The following WDR47 variants were observed in gnomAD, a reference collection of about 807,000 sequenced individuals.
The protein encoded by WDR47 is WD repeat-containing protein 47.
Under a neutral mutation model 97.2 loss-of-function variants are expected in WDR47, and 32 were observed. That is an observed-to-expected ratio of 0.33 (90% confidence interval 0.25 to 0.44). The LOEUF (loss-of-function observed/expected upper bound fraction) is 0.44, where lower values mean the gene tolerates loss of function less well. Among genes scored for constraint, WDR47 ranks in the 20% least tolerant of loss-of-function variants. The pLI is 1.00. For missense variants in WDR47, 782 were observed against 1,102.3 expected (o/e 0.71, Z 4.11); for synonymous variants, 375 against 373.5 (o/e 1.00, Z -0.05).
rs1369106431 is a variant in WDR47, at chr1:109,031,801, T to C, written c.-9-8280A>G. On this transcript the variant is annotated intron_variant, in intron 1 of 14. Transcript: ENST00000369962. ...ATCATTTCAATCTTTCTTTCTTTTT[T>C]TTTTTTTTTTTTTTTTAAGACAGGG... Among the ~76,000 whole-genome samples the C allele has an allele frequency of 8.7e-5, 11 of 126,866 alleles. 1 individual carries two copies. Among genetic ancestry groups the C allele is most frequent in the African/African-American group, 1.1e-4 (4 of 35,826 alleles). 83.2% of individuals were successfully genotyped at this position (126,866 alleles called of 152,430 possible).
In WDR47 at chr1:109,013,871, G is replaced by A. The variant is rs780492513; in HGVS notation, c.297C>T (p.Asn99=). 4.3e-5 allele frequency: 69 copies of A among 1,613,230 alleles called. No homozygotes were observed. Among genetic ancestry groups the A allele is most frequent in the Middle Eastern group, 3.3e-4 (2 of 6,082 alleles). The change falls in exon 4 of 15, where the codon AAC becomes AAT. Residue 99 remains asparagine, a synonymous_variant. Coordinates refer to ENST00000369962, the MANE Select transcript of WDR47 (RefSeq NM_001142551.2). ...GGGGCTCATCTTCTGCTGACATCGC[G>A]TTGTTAACACATAAAGCTTCTAAAA... The part of the protein sequence containing the change: ...QKFLEALCVN[N]AMSAEDEPQH...
chr1:108,995,482 C>T, intron 8 of WDR47, 98 bp downstream of exon 8: 1 of 1,455,544 alleles, frequency 6.9e-7, no homozygotes. Flanking sequence ...GCAGTAAGCT[C>T]TAAAAACTTT....
At chr1:108,999,923 C>A (rs1412027274) in intron 7 of WDR47, among the ~76,000 whole-genome samples, 1 of 152,066 alleles carries the variant, frequency 6.6e-6, no homozygotes, top group African/African-American at 2.4e-5. Context: ...ATCCAAAAAC[C>A]AGAAATGGCA....
intron 1 of WDR47, among the ~76,000 whole-genome samples, chr1:109,038,291 G>A (rs376107322): frequency 1.2e-4 from 18 of 152,272 alleles, no homozygotes; most frequent in African/African-American, 4.3e-4. Context: ...CAAAAGGACT[G>A]CTAATGAATT....
intron 1 of WDR47, among the ~76,000 whole-genome samples, chr1:109,035,249 A>G (rs2102051015): frequency 6.9e-6 from 1 of 144,728 alleles, no homozygotes; most frequent in South Asian, 2.2e-4. Flanking sequence ...CTGTCTCAGA[A>G]AAAAAAAAAA....
intron 9 of WDR47, 146 bp downstream of exon 9, chr1:108,991,108 G>A: frequency 1.7e-6 from 1 of 604,508 alleles, no homozygotes; most frequent in South Asian, 2.7e-5. Context: ...AAACTTCTGG[G>A]CTCAAGACAT....
intron 6 of WDR47, among the ~76,000 whole-genome samples, chr1:109,003,332 G>A (rs1483936187): frequency 6.6e-6 from 1 of 151,560 alleles, no homozygotes; most frequent in East Asian, 1.9e-4. Flanking sequence ...TCTGTTGTTT[G>A]GTGCATATCC....
At chr1:109,030,179 A>T (rs1662521614) in intron 1 of WDR47, 1 of 1,457,842 alleles carries the variant, frequency 6.9e-7, no homozygotes, top group African/African-American at 1.4e-5. Context: ...TGAAATGCCC[A>T]GGATAATATA....
intron 13 of WDR47, among the ~76,000 whole-genome samples, chr1:108,979,904 A>G (rs1658207527): frequency 6.6e-6 from 1 of 152,180 alleles, no homozygotes; most frequent in Admixed American, 6.5e-5. Context: ...ATGGCCTGTT[A>G]GGCACCGGGC....
At chr1:108,999,426 C>T (rs1660008159) in intron 7 of WDR47, among the ~76,000 whole-genome samples, 1 of 151,524 alleles carries the variant, frequency 6.6e-6, no homozygotes, top group African/African-American at 2.4e-5. Flanking sequence ...ATTCTAGGCC[C>T]AGAATGGTGG....
chr1:108,984,270 C>T (rs948367328), intron 10 of WDR47, among the ~76,000 whole-genome samples: 10 of 152,178 alleles, frequency 6.6e-5, no homozygotes, highest in African/African-American at 2.4e-4. Context: ...TTTATCTACA[C>T]TTTGAAACAC....
intron 7 of WDR47, 65 bp from the exon 8 acceptor site, chr1:108,995,902 G>A (rs990742538): frequency 1.3e-6 from 2 of 1,494,966 alleles, no homozygotes; most frequent in African/African-American, 2.8e-5. Flanking sequence ...ATATATACAA[G>A]GTTAAAAGTG....
At chr1:109,015,556 G>A (rs1314134328) in intron 3 of WDR47, among the ~76,000 whole-genome samples, 3 of 151,716 alleles carry the variant, frequency 2.0e-5, no homozygotes, top group African/African-American at 7.3e-5. Flanking sequence ...TCCAACTCCT[G>A]ACCTCAAGTG....
intron 12 of WDR47, among the ~76,000 whole-genome samples, chr1:108,982,350 T>C (rs1658405735): frequency 6.6e-6 from 1 of 151,904 alleles, no homozygotes; most frequent in Admixed American, 6.6e-5. Flanking sequence ...CTGGGCAACA[T>C]AGTGAGACAC....
intron 3 of WDR47, among the ~76,000 whole-genome samples, chr1:109,016,497 G>A (rs1661427392): frequency 6.6e-6 from 1 of 152,136 alleles, no homozygotes; most frequent in African/African-American, 2.4e-5. Context: ...AAAATCTACT[G>A]TATAAACTTA....
At chr1:108,986,327 T>G (rs1413239084) in intron 10 of WDR47, among the ~76,000 whole-genome samples, 196 bp downstream of exon 10, 1 of 152,010 alleles carries the variant, frequency 6.6e-6, no homozygotes, top group African/African-American at 2.4e-5. Flanking sequence ...TATGAAAAAA[T>G]TATGAAGTTA....
intron 9 of WDR47, among the ~76,000 whole-genome samples, chr1:108,988,398 GA>G (rs1351372885): frequency 6.6e-6 from 1 of 151,808 alleles, no homozygotes; most frequent in Non-Finnish European, 1.5e-5. Flanking sequence ...ATCTGCTTAA[GA>G]AAAAATGTTT....
intron 5 of WDR47, 132 bp from the exon 6 acceptor site, chr1:109,004,847 G>A: frequency 1.7e-6 from 2 of 1,153,534 alleles, no homozygotes; most frequent in South Asian, 2.1e-5. Context: ...CCCGACTGGA[G>A]TGACGCAATC....
At chr1:109,018,257 T>C (rs2101975750) in intron 2 of WDR47, among the ~76,000 whole-genome samples, 1 of 151,682 alleles carries the variant, frequency 6.6e-6, no homozygotes, top group Non-Finnish European at 1.5e-5. Context: ...GAGACCACCC[T>C]GCCCAACATG....
Sources: allele counts gnomAD v4.1 joint callset (sites outside exome capture counted in the v4.1 genomes callset), GRCh38; gene constraint gnomAD v4.1.1; transcripts MANE v1.5; gene names NCBI Gene and HGNC (gene_info 2026-07-23, HGNC 2026-07-21).